Variants in SNX19 observed in about 807,000 individuals in gnomAD.
SNX19 encodes the protein sorting nexin-19.
Under a neutral mutation model 85.2 loss-of-function variants are expected in SNX19, and 60 were observed. That is an observed-to-expected ratio of 0.70 (90% CI 0.57 to 0.87). SNX19 has a LOEUF of 0.87. Among genes scored for constraint, SNX19 ranks in the 40% least tolerant of loss-of-function variants. The pLI, the probability that SNX19 is intolerant of heterozygous loss-of-function variation, is 0.00. For missense variants in SNX19, 1,201 were observed against 1,217.8 expected, an observed-to-expected ratio of 0.99 and a Z score of 0.21; for synonymous variants, 520 against 470.0, an observed-to-expected ratio of 1.11 and a Z score of -1.38.
chr11:130,905,643 G>A, intron 7 of SNX19: 1 of 1,469,580 alleles, frequency 6.8e-7, no homozygotes, highest in African/African-American at 1.4e-5. Flanking sequence ...TCTAAGAAAT[G>A]CAAGAGTCTG....
intron 7 of SNX19, among the ~76,000 whole-genome samples, chr11:130,903,704 T>TAC (rs1455577293): frequency 7.7e-6 from 1 of 129,220 alleles, no homozygotes; most frequent in African/African-American, 2.9e-5. Flanking sequence ...TACATATATA[T>TAC]ATATATACAC....
intron 8 of SNX19, chr11:130,902,998 T>C (rs938836220): frequency 1.9e-5 from 7 of 362,670 alleles, no homozygotes; most frequent in African/African-American, 1.5e-4. Context: ...TTCAGCTAAG[T>C]ATTTTAGGAT....
At chr11:130,910,224 C>A in intron 3 of SNX19, 46 bp downstream of exon 3, 1 of 1,612,596 alleles carries the variant, frequency 6.2e-7, no homozygotes, top group South Asian at 1.1e-5. Context: ...TGGGGTTAGA[C>A]ACCCAGGTTA....
intron 5 of SNX19, among the ~76,000 whole-genome samples, 198 bp from the exon 6 acceptor site, chr11:130,906,919 A>G (rs532844163): frequency 3.2e-4 from 49 of 152,354 alleles, no homozygotes; most frequent in Middle Eastern, 3.4e-3. Flanking sequence ...TTCTTGATAG[A>G]TAATGTTAAC....
At chr11:130,892,946 C>G (rs546744732) in intron 8 of SNX19, 3 of 152,274 alleles carry the variant, frequency 2.0e-5, no homozygotes, top group South Asian at 2.1e-4. Context: ...GCCACCCATT[C>G]AGAAGAAAAT....
At chr11:130,890,297 A>C (rs11222377) in intron 8 of SNX19, among the ~76,000 whole-genome samples, 11,574 of 152,168 alleles carry the variant, frequency 0.076, 527 homozygotes, top group African/African-American at 0.12. Flanking sequence ...TCTCTATAGC[A>C]ATGATCTCAG....
chr11:130,904,357 CT>C (rs1184780682), intron 7 of SNX19, among the ~76,000 whole-genome samples: 1 of 152,202 alleles, frequency 6.6e-6, no homozygotes, highest in Non-Finnish European at 1.5e-5. Flanking sequence ...CTTGCCCAAG[CT>C]CTCCTTGAAC....
chr11:130,910,653 C>G (rs1036502192), intron 2 of SNX19, among the ~76,000 whole-genome samples: 1 of 152,138 alleles, frequency 6.6e-6, no homozygotes. Flanking sequence ...GACTCTGTTT[C>G]TCTTCTACAA....
chr11:130,908,188 G>C (rs528107718), intron 4 of SNX19, 105 bp from the exon 5 acceptor site: 3 of 1,345,358 alleles, frequency 2.2e-6, no homozygotes, highest in African/African-American at 2.9e-5. Flanking sequence ...CAAGGAGAGG[G>C]GCCAGGCTAT....
Position 130,914,409 on chromosome 11 carries a change from G to A in SNX19, c.1531C>T (p.Leu511Phe), listed in dbSNP as rs774804132. ...VLLSSSPPGP[L>F]SSATFSFEPL... ...TCAAAGCTGAAGGTGGCTGAGCTGA[G>A]AGGACCAGGTGGAGAGGAGGAAAGC... Residue 511 changes from leucine (L) to phenylalanine (F), a missense_variant, in exon 1 of 11, where the codon CTC becomes TTC. Transcript: ENST00000265909. 3.1e-6 allele frequency: 5 copies of A among 1,613,954 alleles called. No homozygotes were observed. The South Asian group carries it at 5.5e-5, about 18-fold the overall frequency.
chr11:130,913,132 T>G (rs1241857700), intron 1 of SNX19, among the ~76,000 whole-genome samples: 1 of 152,166 alleles, frequency 6.6e-6, no homozygotes, highest in African/African-American at 2.4e-5. Flanking sequence ...AACTTAATTT[T>G]TCTGCTAATG....
intron 8 of SNX19, among the ~76,000 whole-genome samples, chr11:130,885,455 A>T (rs574809514): frequency 8.5e-5 from 13 of 152,334 alleles, no homozygotes; most frequent in Non-Finnish European, 1.8e-4. Context: ...AGCAGAATCA[A>T]ATCTCATGAG....
At chr11:130,900,224 G>C (rs982356513) in intron 8 of SNX19, among the ~76,000 whole-genome samples, 2 of 152,172 alleles carry the variant, frequency 1.3e-5, no homozygotes, top group African/African-American at 4.8e-5. Flanking sequence ...TGGGAGGATG[G>C]CTTGAGCCCA....
At position 130,878,143 on chromosome 11, in the gene SNX19, T is replaced by C. The variant is rs946761867; in HGVS notation, c.*279A>G. ...AGGAGAAGCAAAAGGGGTTCATTCC[T>C]CTACCTCACAGCTTCTTTTCCCAAA... On this transcript the variant is annotated 3_prime_UTR_variant, in exon 11 of 11. Coordinates refer to ENST00000265909, the MANE Select transcript of SNX19 (RefSeq NM_014758.3). The C allele has an allele frequency of 3.6e-6, 1 of 278,472 alleles. No individual in the cohort carries two copies. The highest frequency in any genetic ancestry group is 6.9e-6 in the Non-Finnish European group (1 of 145,922). 17.3% of individuals were successfully genotyped at this position (278,472 alleles called of 1,614,324 possible).
At chr11:130,912,533 G>A (rs1946206676) in intron 1 of SNX19, among the ~76,000 whole-genome samples, 1 of 152,338 alleles carries the variant, frequency 6.6e-6, no homozygotes, top group Non-Finnish European at 1.5e-5. Flanking sequence ...ATGAAACGCT[G>A]TGGGAGAAGT....
At chr11:130,891,175 T>C (rs934186962) in intron 8 of SNX19, among the ~76,000 whole-genome samples, 3 of 152,222 alleles carry the variant, frequency 2.0e-5, no homozygotes, top group Non-Finnish European at 4.4e-5. Context: ...ATTCCATATA[T>C]GTTTATATAC....
At chr11:130,911,558 C>G in intron 2 of SNX19, 75 bp downstream of exon 2, 2 of 1,597,786 alleles carry the variant, frequency 1.3e-6, no homozygotes, top group South Asian at 1.1e-5. Flanking sequence ...CGATCCCTCC[C>G]ATAAACCAAC....
intron 8 of SNX19, among the ~76,000 whole-genome samples, chr11:130,893,459 G>A (rs1482699088): frequency 6.6e-6 from 1 of 152,130 alleles, no homozygotes; most frequent in Non-Finnish European, 1.5e-5. Context: ...AACACTGAGA[G>A]GGGTGTAGAG....
rs772412575 is a variant in SNX19 at position 130,873,973 on chromosome 11, G to C, written c.*4449C>G. Among the ~76,000 whole-genome samples, 12 of 152,078 alleles carry C rather than the reference G, an allele frequency of 7.9e-5. No homozygotes were observed. Among genetic ancestry groups the C allele is most frequent in the Non-Finnish European group, 1.2e-4 (8 of 68,032 alleles). On this transcript the variant is annotated 3_prime_UTR_variant, in exon 11 of 11. Coordinates refer to ENST00000265909, the MANE Select transcript of SNX19 (RefSeq NM_014758.3). ...AATCACAATGCCATTCTCAGTGTCAGTGGATTGGCATGAGGTGGGTGGTTC... is the reference window on the plus strand; with the variant it reads ...AATCACAATGCCATTCTCAGTGTCACTGGATTGGCATGAGGTGGGTGGTTC...
Sources: allele counts gnomAD v4.1 joint callset (sites outside exome capture counted in the v4.1 genomes callset), GRCh38; gene constraint gnomAD v4.1.1; transcripts MANE v1.5; gene names NCBI Gene and HGNC (gene_info 2026-07-23, HGNC 2026-07-21).